The following SHLD1 variants were observed in gnomAD, a reference collection of about 807,000 sequenced individuals.
The protein encoded by SHLD1 is RINN1-REV7-interacting novel NHEJ regulator 3.
In SHLD1, 3 loss-of-function variants were observed where a neutral mutation model predicts 5.5. That is an observed-to-expected ratio of 0.54 (90% CI 0.25 to 1.40). The LOEUF is 1.40. Among genes scored for constraint, SHLD1 ranks in the 40% most tolerant of loss-of-function variants. The pLI is 0.15. For missense variants in SHLD1, 210 were observed against 244.4 expected (o/e 0.86, Z 0.94); for synonymous variants, 92 against 94.3 (o/e 0.98, Z 0.14).
chr20:5,831,980 C>A (rs991118548), intron 2 of SHLD1, among the ~76,000 whole-genome samples: 4 of 152,176 alleles, frequency 2.6e-5, no homozygotes, highest in African/African-American at 9.7e-5. Context: ...CGGAGCCTTG[C>A]TCTTTTGCCC....
At chr20:5,754,293 TAG>T (rs1282665579) in intron 1 of SHLD1, among the ~76,000 whole-genome samples, 1 of 152,044 alleles carries the variant, frequency 6.6e-6, no homozygotes, top group African/African-American at 2.4e-5. Flanking sequence ...GTATTTTTTG[TAG>T]AGTCGGGTTT....
intron 2 of SHLD1, among the ~76,000 whole-genome samples, chr20:5,839,488 G>GATAGATAA (rs1555776898): frequency 1.1e-5 from 1 of 94,354 alleles, no homozygotes; most frequent in Non-Finnish European, 2.1e-5. Flanking sequence ...TAGATAGAAA[G>GATAGATAA]ATAGATAGAT....
At chr20:5,773,607 A>T (rs1421759525) in intron 2 of SHLD1, among the ~76,000 whole-genome samples, 1 of 152,092 alleles carries the variant, frequency 6.6e-6, no homozygotes, top group Non-Finnish European at 1.5e-5. Flanking sequence ...TAATTACCTG[A>T]TCTGAGTCTG....
At chr20:5,783,338 C>T (rs539842487) in intron 2 of SHLD1, among the ~76,000 whole-genome samples, 12 of 152,302 alleles carry the variant, frequency 7.9e-5, no homozygotes, top group South Asian at 4.2e-4. Flanking sequence ...ATTCTCCTGC[C>T]TCAGCCTCCC....
intron 2 of SHLD1, among the ~76,000 whole-genome samples, chr20:5,862,424 A>G (rs1280407331): frequency 6.6e-6 from 1 of 152,252 alleles, no homozygotes; most frequent in Non-Finnish European, 1.5e-5. Context: ...AGAACCTACC[A>G]AGGAAAACAG....
intron 2 of SHLD1, among the ~76,000 whole-genome samples, chr20:5,812,848 C>G (rs1294696): frequency 0.58 from 88,752 of 151,756 alleles, 27,540 homozygotes; most frequent in Non-Finnish European, 0.7. Flanking sequence ...CAAAGGCTCT[C>G]CCTCTCTTTA....
chr20:5,847,461 A>T (rs1205702875), intron 2 of SHLD1, among the ~76,000 whole-genome samples: 2 of 152,188 alleles, frequency 1.3e-5, no homozygotes, highest in African/African-American at 4.8e-5. Context: ...ATCGCTTTCC[A>T]TGTAAGAGAC....
chr20:5,829,319 A>G (rs1441908793), intron 2 of SHLD1, among the ~76,000 whole-genome samples: 1 of 152,140 alleles, frequency 6.6e-6, no homozygotes, highest in Non-Finnish European at 1.5e-5. Flanking sequence ...CCCTACTATT[A>G]CTCACTAATC....
At chr20:5,773,074 TA>T (rs777633319) in intron 2 of SHLD1, 31 bp downstream of exon 2, 1 of 1,607,818 alleles carries the variant, frequency 6.2e-7, no homozygotes, top group Admixed American at 1.7e-5. Context: ...CAAACTAACT[TA>T]AAAACAACTA....
chr20:5,854,171 A>T (rs2088051044), intron 2 of SHLD1, among the ~76,000 whole-genome samples: 1 of 151,844 alleles, frequency 6.6e-6, no homozygotes, highest in South Asian at 2.1e-4. Flanking sequence ...ATGCCCAGCT[A>T]ATTTTTGTAT....
chr20:5,804,382 T>C (rs1384156683), intron 2 of SHLD1, among the ~76,000 whole-genome samples: 1 of 148,448 alleles, frequency 6.7e-6, no homozygotes, highest in Non-Finnish European at 1.5e-5. Flanking sequence ...CTGTAAGACA[T>C]TAGTATAGTG....
chr20:5,781,511 T>C (rs576901075), intron 2 of SHLD1, among the ~76,000 whole-genome samples: 45 of 152,328 alleles, frequency 3.0e-4, no homozygotes, highest in Non-Finnish European at 5.7e-4. Flanking sequence ...TGAGTCTCGC[T>C]CTGTTGTCCA....
intron 2 of SHLD1, among the ~76,000 whole-genome samples, chr20:5,775,233 G>A (rs1034089542): frequency 6.6e-6 from 1 of 151,746 alleles, no homozygotes; most frequent in Non-Finnish European, 1.5e-5. Context: ...TGTAGAGACA[G>A]GGTCTTGCTG....
At chr20:5,819,815 C>T (rs1021080922) in intron 2 of SHLD1, among the ~76,000 whole-genome samples, 2 of 152,188 alleles carry the variant, frequency 1.3e-5, no homozygotes, top group Non-Finnish European at 2.9e-5. Flanking sequence ...GCGTGAGACC[C>T]AGTCTCTTAA....
At chr20:5,819,515 T>C (rs776301979) in intron 2 of SHLD1, among the ~76,000 whole-genome samples, 36 of 152,256 alleles carry the variant, frequency 2.4e-4, no homozygotes, top group Admixed American at 5.9e-4. Context: ...TCATGTTGGC[T>C]GTTGTCATAT....
At chr20:5,752,637 G>T (rs1298858003) in intron 1 of SHLD1, among the ~76,000 whole-genome samples, 17 of 143,100 alleles carry the variant, frequency 1.2e-4, no homozygotes, top group Non-Finnish European at 6.0e-5. Context: ...TTTTTTTGAG[G>T]CAGAGTCTTT....
chr20:5,807,315 C>G (rs953639016), intron 2 of SHLD1, among the ~76,000 whole-genome samples: 3 of 149,880 alleles, frequency 2.0e-5, no homozygotes, highest in Admixed American at 6.7e-5. Flanking sequence ...CTTTTCATTC[C>G]TTCCTTCTTC....
At position 5,785,534 on chromosome 20, in the gene SHLD1, G is replaced by A. The variant is rs1270482448; in HGVS notation, c.178+12491G>A. On this transcript the variant is annotated intron_variant, in intron 2 of 2. Coordinates refer to ENST00000303142, the MANE Select transcript of SHLD1 (RefSeq NM_152504.4). Reference sequence around the variant, plus strand: ...CTTTAGGCCAGGCACGATGTCTCACGCCTGTAATCCCAGCACTTTGGGAGG... The same window carrying A: ...CTTTAGGCCAGGCACGATGTCTCACACCTGTAATCCCAGCACTTTGGGAGG... 8.5e-5 allele frequency among the ~76,000 whole-genome samples: 13 copies of A among 152,210 alleles called. No individual in the cohort carries two copies. In the Middle Eastern group the frequency reaches 0.01, roughly 119 times the overall value.
chr20:5,807,503 T>C (rs2087396214), intron 2 of SHLD1, among the ~76,000 whole-genome samples: 3 of 152,152 alleles, frequency 2.0e-5, no homozygotes, highest in Admixed American at 2.0e-4. Context: ...CCTGTGTAGC[T>C]GGGACTACAG....
Sources: allele counts gnomAD v4.1 joint callset (sites outside exome capture counted in the v4.1 genomes callset), GRCh38; gene constraint gnomAD v4.1.1; transcripts MANE v1.5; gene names NCBI Gene and HGNC (gene_info 2026-07-23, HGNC 2026-07-21).